The following COMMD10 variants were observed in gnomAD, a reference collection of about 807,000 sequenced individuals.
COMMD10 encodes COMM domain-containing protein 10.
A neutral mutation model predicts 28.9 loss-of-function variants in COMMD10; 33 were observed. The observed-to-expected ratio is 1.14, with a 90% CI of 0.87 to 1.53. The LOEUF (loss-of-function observed/expected upper bound fraction) is 1.53. Ranked by LOEUF, COMMD10 falls within the 40% of genes most tolerant of loss-of-function variation. COMMD10 has a pLI of 0.00. For synonymous variants in COMMD10, 110 were observed against 81.7 expected (o/e 1.35, Z -1.87); for missense variants, 310 against 233.4 (o/e 1.33, Z -2.14).
At chr5:116,193,369 G>C (rs1350911788) in intron 5 of COMMD10, among the ~76,000 whole-genome samples, 1 of 152,170 alleles carries the variant, frequency 6.6e-6, no homozygotes, top group African/African-American at 2.4e-5. Flanking sequence ...AAAAGATACA[G>C]AGTGGCATAA....
chr5:116,088,346 C>T (rs188827913), intron 2 of COMMD10, among the ~76,000 whole-genome samples: 2 of 152,308 alleles, frequency 1.3e-5, no homozygotes, highest in Admixed American at 1.3e-4. Context: ...TCTTTAGTAC[C>T]TCTTTTTTAG....
At chr5:116,108,696 G>A (rs941016141) in intron 4 of COMMD10, among the ~76,000 whole-genome samples, 2 of 151,976 alleles carry the variant, frequency 1.3e-5, no homozygotes, top group African/African-American at 2.4e-5. Flanking sequence ...GAGAGTGAAC[G>A]GTGATTCACT....
At chr5:116,271,346 T>G (rs904849771) in intron 5 of COMMD10, among the ~76,000 whole-genome samples, 1 of 148,040 alleles carries the variant, frequency 6.8e-6, no homozygotes, top group Non-Finnish European at 1.5e-5. Context: ...TATTTATGAT[T>G]ATATAAAATT....
At chr5:116,173,375 GTTAGTA>G (rs1191201273) in intron 5 of COMMD10, among the ~76,000 whole-genome samples, 2 of 152,028 alleles carry the variant, frequency 1.3e-5, no homozygotes, top group Non-Finnish European at 2.9e-5. Context: ...ATTTAAGCAA[GTTAGTA>G]TTAGAGTAGA....
chr5:116,141,662 T>A (rs1752199820), intron 5 of COMMD10, among the ~76,000 whole-genome samples: 1 of 151,828 alleles, frequency 6.6e-6, no homozygotes, highest in African/African-American at 2.4e-5. Context: ...CTTTTTGCTC[T>A]CCTAGCAATG....
chr5:116,203,617 A>G (rs1370747991), intron 5 of COMMD10, among the ~76,000 whole-genome samples: 4 of 152,284 alleles, frequency 2.6e-5, no homozygotes, highest in African/African-American at 9.6e-5. Context: ...TTTTCAACCC[A>G]GAATTTCATA....
chr5:116,090,376 C>T lies in COMMD10; in HGVS notation c.133-703C>T, dbSNP rs376376546. ...CAAAGACTTGTCTCATCCAGCGTGC[C>T]AGCGGTTTGCATTGGGAAATGCTGA... is the stretch of plus-strand genomic sequence containing the variant. On this transcript the variant is annotated intron_variant, in intron 2 of 6. Coordinates refer to ENST00000274458, the MANE Select transcript of COMMD10 (RefSeq NM_016144.4). 1.1e-3 allele frequency among the ~76,000 whole-genome samples: 164 copies of T among 152,284 alleles called. 3 individuals carry two copies. The South Asian group carries it at 0.033, about 31-fold the overall frequency.
At chr5:116,261,944 T>C (rs1160058732) in intron 5 of COMMD10, among the ~76,000 whole-genome samples, 1 of 151,814 alleles carries the variant, frequency 6.6e-6, no homozygotes. Context: ...ACTTTGTATC[T>C]TTGACTATTC....
intron 5 of COMMD10, among the ~76,000 whole-genome samples, chr5:116,282,866 G>A (rs72808916): frequency 0.11 from 16,414 of 151,752 alleles, 1,061 homozygotes; most frequent in East Asian, 0.14. Flanking sequence ...CTAGGCGTTA[G>A]GACTTCAACT....
rs1208562761 is a variant in COMMD10 at position 116,187,304 on chromosome 5, C to G, written c.510+53126C>G. Reference sequence around the variant, plus strand: ...AATGTGTGATAAATTAATGAACATACAAATGAATAGATAGCAGTGGCAGTG... The same window carrying G: ...AATGTGTGATAAATTAATGAACATAGAAATGAATAGATAGCAGTGGCAGTG... On this transcript the variant is annotated intron_variant, in intron 5 of 6. Coordinates refer to ENST00000274458, the MANE Select transcript of COMMD10 (RefSeq NM_016144.4). Among the ~76,000 whole-genome samples, 6 of 152,042 alleles carry G rather than the reference C, an allele frequency of 3.9e-5. No individual in the cohort carries two copies. In the East Asian group the frequency reaches 1.2e-3, roughly 29 times the overall value.
chr5:116,209,123 T>C (rs1184067039), intron 5 of COMMD10, among the ~76,000 whole-genome samples: 1 of 152,166 alleles, frequency 6.6e-6, no homozygotes, highest in Admixed American at 6.5e-5. Flanking sequence ...AGATCAACTT[T>C]TTTTTTCTTT....
chr5:116,184,281 A>G (rs1031702918), intron 5 of COMMD10, among the ~76,000 whole-genome samples: 4 of 144,730 alleles, frequency 2.8e-5, no homozygotes, highest in African/African-American at 1.0e-4. Context: ...ATGTATTTAC[A>G]TTTTCTTTAT....
At chr5:116,229,536 A>T (rs533036224) in intron 5 of COMMD10, among the ~76,000 whole-genome samples, 1 of 152,058 alleles carries the variant, frequency 6.6e-6, no homozygotes. Context: ...TCAGCAAGCA[A>T]TTATTGAGCA....
chr5:116,150,112 G>T lies in COMMD10; in HGVS notation c.510+15934G>T, dbSNP rs1330448718. On this transcript the variant is annotated intron_variant, in intron 5 of 6. Coordinates refer to ENST00000274458, the MANE Select transcript of COMMD10 (RefSeq NM_016144.4). Reference sequence around the variant, plus strand: ...TCCCCAGCACCATTTATTAAATAGGGAATACTTTCCCCATTTCTTGTTTTT... The same window carrying T: ...TCCCCAGCACCATTTATTAAATAGGTAATACTTTCCCCATTTCTTGTTTTT... 1.3e-5 allele frequency among the ~76,000 whole-genome samples: 2 copies of T among 151,980 alleles called. 1 individual carries two copies. Among genetic ancestry groups the T allele is most frequent in the South Asian group, 4.2e-4 (2 of 4,816 alleles).
chr5:116,136,817 C>G (rs1057496418), intron 5 of COMMD10, among the ~76,000 whole-genome samples: 1 of 152,144 alleles, frequency 6.6e-6, no homozygotes, highest in Non-Finnish European at 1.5e-5. Flanking sequence ...GCACCATTTT[C>G]ATTAACAAAT....
In COMMD10 at chr5:116,143,838, C is replaced by T. The variant is rs149038918; in HGVS notation, c.510+9660C>T. ...CATGTGAGTTACTAGGCAAGGTATT[C>T]GTGATATAGGCAGGTTTTATTTTCT... On this transcript the variant is annotated intron_variant, in intron 5 of 6. Coordinates refer to ENST00000274458, the MANE Select transcript of COMMD10 (RefSeq NM_016144.4). Among the ~76,000 whole-genome samples the T allele has an allele frequency of 1.1e-4, 17 of 151,770 alleles. 1 individual carries two copies. In the East Asian group the frequency reaches 2.3e-3, roughly 21 times the overall value.
rs774170084 is a variant in COMMD10 at position 116,091,186 on chromosome 5, A to G, written c.240A>G (p.Glu80=). 2 of 1,557,652 alleles carry G rather than the reference A, an allele frequency of 1.3e-6. No homozygotes were observed. The highest frequency in any genetic ancestry group is 1.1e-5 in the South Asian group (1 of 88,052). Residue 80 remains glutamate, a synonymous_variant, in exon 3 of 7, where the codon GAA becomes GAG. Coordinates refer to ENST00000274458, the MANE Select transcript of COMMD10 (RefSeq NM_016144.4). ...TTGAAACAATATCATTTATTTTAGA[A>G]CAGGTATTTTTATTGCATCAAATTT... ...LVLETISFIL[E]QAVYHNVKPA... is the part of the protein sequence containing the mutation.
At chr5:116,122,587 A>G (rs1414576381) in intron 4 of COMMD10, among the ~76,000 whole-genome samples, 2 of 152,112 alleles carry the variant, frequency 1.3e-5, no homozygotes, top group South Asian at 2.1e-4. Context: ...GGCCATTTTC[A>G]TGATATTGAT....
chr5:116,212,496 C>CTGTGTGTGTGTGTGTG (rs11268771), intron 5 of COMMD10, among the ~76,000 whole-genome samples: 8,741 of 63,774 alleles, frequency 0.14, 720 homozygotes, highest in African/African-American at 0.18. Context: ...TACTGAAATG[C>CTGTGTGTGTGTGTGTG]TGTGTGTGTG....
Sources: allele counts gnomAD v4.1 joint callset (sites outside exome capture counted in the v4.1 genomes callset), GRCh38; gene constraint gnomAD v4.1.1; transcripts MANE v1.5; gene names NCBI Gene and HGNC (gene_info 2026-07-23, HGNC 2026-07-21).